CNTRL: variants seen among roughly 807,000 people sequenced by gnomAD.
CNTRL encodes the protein 110 kDa centrosomal protein.
CNTRL carries 233 observed loss-of-function variants against 303.7 expected under a neutral mutation model. The observed-to-expected ratio is 0.77, with a 90% CI of 0.69 to 0.86. CNTRL has a LOEUF of 0.86. Among genes scored for constraint, CNTRL ranks in the 40% least tolerant of loss-of-function variants. The pLI is 0.00. For missense variants in CNTRL, 2,524 were observed against 2,650.6 expected (o/e 0.95, Z 1.05); for synonymous variants, 900 against 922.2 (o/e 0.98, Z 0.44).
At chr9:121,155,509 G>A (rs1173041381) in intron 27 of CNTRL, among the ~76,000 whole-genome samples, 5 of 152,168 alleles carry the variant, frequency 3.3e-5, no homozygotes, top group Non-Finnish European at 1.5e-5. Flanking sequence ...AGCCTCCTGA[G>A]TAGAGACGGG....
At chr9:121,174,735 A>G (rs917410449) in intron 42 of CNTRL, among the ~76,000 whole-genome samples, 1 of 152,224 alleles carries the variant, frequency 6.6e-6, no homozygotes. Flanking sequence ...AGATGAGGCA[A>G]TAATTTAATG....
chr9:121,161,441 AT>A, intron 32 of CNTRL: 1 of 361,480 alleles, frequency 2.8e-6, no homozygotes. Context: ...CTTTTAGTTG[AT>A]TCTTTTATGT....
intron 1 of CNTRL, among the ~76,000 whole-genome samples, chr9:121,078,806 C>G (rs2048029489): frequency 6.6e-6 from 1 of 152,194 alleles, no homozygotes; most frequent in Admixed American, 6.5e-5. Flanking sequence ...AAAGATATTA[C>G]AAAGGATATA....
At chr9:121,138,507 G>A (rs1564257895) in intron 15 of CNTRL, 38 bp from the exon 16 acceptor site, 9 of 1,596,176 alleles carry the variant, frequency 5.6e-6, no homozygotes, top group Non-Finnish European at 6.0e-6. Context: ...AATTATTGCT[G>A]TTTTACACTT....
intron 12 of CNTRL, chr9:121,122,364 C>T (rs909751434): frequency 1.0e-6 from 1 of 983,882 alleles, no homozygotes; most frequent in African/African-American, 1.7e-5. Context: ...TAAAAACCTT[C>T]CAGTTAAGCT....
intron 7 of CNTRL, 109 bp downstream of exon 7, chr9:121,098,681 G>A: frequency 1.3e-6 from 1 of 740,754 alleles, no homozygotes; most frequent in Non-Finnish European, 2.2e-6. Flanking sequence ...AAATGTACAT[G>A]GGAAATGGCA....
intron 12 of CNTRL, chr9:121,121,729 C>G: frequency 1.0e-6 from 1 of 968,536 alleles, no homozygotes; most frequent in Non-Finnish European, 1.2e-6. Context: ...GGGGCCTGCC[C>G]GCAGAGGCTG....
chr9:121,119,598 C>T lies in CNTRL; in HGVS notation c.1650+1058C>T, dbSNP rs551934908. The stretch of plus-strand genomic sequence containing the variant: ...CGTGAGCCACCATGCCCTGCCGAAG[C>T]GATTCTCCTGCCTCAGCCTCCTGAG... On this transcript the variant is annotated intron_variant, in intron 12 of 43. Coordinates refer to ENST00000373855, the MANE Select transcript of CNTRL (RefSeq NM_007018.6). Among the ~76,000 whole-genome samples the T allele has an allele frequency of 1.3e-4, 20 of 149,472 alleles. No individual in the cohort carries two copies. The South Asian group carries it at 1.5e-3, about 11-fold the overall frequency.
rs748728567 is a variant in CNTRL at position 121,124,027 on chromosome 9, T to C, written c.1747T>C (p.Ser583Pro). The change falls in exon 13 of 44, where the codon TCT (serine) becomes CCT (proline). Residue 583 changes from serine (S) to proline (P), a missense_variant. Ser to Pro is a moderately conservative substitution (Grantham distance 74). Transcript: ENST00000373855. ...QLESRLDEIL[S>P]RIAKETEEIK... ...TGAAAGTCGTTTGGATGAGATACTTTCTAGAATTGCTAAGGAAACGGAAGA... is the reference window on the plus strand; with the variant it reads ...TGAAAGTCGTTTGGATGAGATACTTCCTAGAATTGCTAAGGAAACGGAAGA... 3 of 1,613,142 alleles carry C rather than the reference T, an allele frequency of 1.9e-6. No individual in the cohort carries two copies. Among genetic ancestry groups the C allele is most frequent in the South Asian group, 1.1e-5 (1 of 90,840 alleles).
intron 8 of CNTRL, among the ~76,000 whole-genome samples, chr9:121,110,152 G>A (rs1271027744): frequency 2.0e-5 from 3 of 152,100 alleles, no homozygotes; most frequent in East Asian, 1.9e-4. Flanking sequence ...CATTTAAACC[G>A]TAGTAGTCCT....
Position 121,157,001 on chromosome 9 carries a change from A to G in CNTRL, c.4366-469A>G, listed in dbSNP as rs528167370. ...TTAAAATGATATAATAGTATTACAG[A>G]TTATTTTGAAATAAAAAGCATCTTT... On this transcript the variant is annotated intron_variant, in intron 27 of 43. Transcript: ENST00000373855. Among the ~76,000 whole-genome samples, 4 of 152,334 alleles carry G rather than the reference A, an allele frequency of 2.6e-5. No homozygotes were observed. The East Asian group carries it at 7.7e-4, about 29-fold the overall frequency.
At position 121,171,468 on chromosome 9, in the gene CNTRL, C is replaced by T; in HGVS notation, c.6337C>T (p.Gln2113Ter). The stretch of plus-strand genomic sequence containing the variant: ...AATGGCAACAATTGAACTGGTAGCC[C>T]AGGACAACCATGAGCGGGCCAGGCG... Reference protein sequence around the residue: ...KEMATIELVAQDNHERARRLM... With the variant: ...KEMATIELVA Residue 2113 changes from glutamine (Q) to a stop codon, truncating the protein, a stop_gained, in exon 40 of 44, where the codon CAG (glutamine) becomes TAG (stop). Coordinates refer to ENST00000373855, the MANE Select transcript of CNTRL (RefSeq NM_007018.6). LOFTEE classifies it high-confidence loss of function. The T allele has an allele frequency of 6.2e-7, 1 of 1,614,020 alleles. No homozygotes were observed. The highest frequency in any genetic ancestry group is 8.5e-7 in the Non-Finnish European group (1 of 1,179,952).
At chr9:121,111,558 T>C (rs2049748819) in intron 8 of CNTRL, among the ~76,000 whole-genome samples, 1 of 152,176 alleles carries the variant, frequency 6.6e-6, no homozygotes, top group Non-Finnish European at 1.5e-5. Flanking sequence ...AATGAAATTT[T>C]TCTGCATGTT....
chr9:121,141,269 C>A, intron 17 of CNTRL, 112 bp from the exon 18 acceptor site: 3 of 794,140 alleles, frequency 3.8e-6, no homozygotes, highest in Non-Finnish European at 6.1e-6. Context: ...TATAGATTGA[C>A]ACCAGTCCCT....
Position 121,177,348 on chromosome 9 carries a change from T to C in CNTRL, c.*162T>C. The C allele has an allele frequency of 8.0e-6, 5 of 623,108 alleles. No individual in the cohort carries two copies. The highest frequency in any genetic ancestry group is 1.1e-5 in the Non-Finnish European group (4 of 356,006). 38.6% of individuals were successfully genotyped at this position (623,108 alleles called of 1,614,324 possible). ...GCCTGTACCATTAATGCCAATGTTT[T>C]TATAAATCACTTGTACATAGTACAT... On this transcript the variant is annotated 3_prime_UTR_variant, in exon 44 of 44. Coordinates refer to ENST00000373855, the MANE Select transcript of CNTRL (RefSeq NM_007018.6).
rs755095776 is a variant in CNTRL at position 121,158,119 on chromosome 9, T to C, written c.4764+10T>C. ...AAAGCTGAAAAGCCAGGTATGGCAA[T>C]AGACACCTTGAAAAAACAACTGACA... On this transcript the variant is annotated intron_variant, in intron 30 of 43. Transcript: ENST00000373855. The C allele has an allele frequency of 3.3e-5, 53 of 1,612,440 alleles. No individual in the cohort carries two copies. The East Asian group carries it at 1.0e-3, about 31-fold the overall frequency.
Position 121,177,310 on chromosome 9 carries a change from T to G in CNTRL, c.*124T>G. 3.7e-6 allele frequency: 3 copies of G among 805,098 alleles called. No homozygotes were observed. Among genetic ancestry groups the G allele is most frequent in the Non-Finnish European group, 6.2e-6 (3 of 482,426 alleles). The allele number at this position is 805,098 out of a possible 1,614,324, so 49.9% of individuals were successfully genotyped here. A position where few individuals can be genotyped will look rare whatever the true frequency, so the allele number is the denominator to read the frequency against. ...GTGAACTGAGATTCTGAAACTCCAC[T>G]GTAGTTTACTTTGCCTGTACCATTA... On this transcript the variant is annotated 3_prime_UTR_variant, in exon 44 of 44. Transcript: ENST00000373855.
intron 3 of CNTRL, 54 bp from the exon 4 acceptor site, chr9:121,090,221 T>C: frequency 1.4e-6 from 2 of 1,465,210 alleles, no homozygotes; most frequent in Non-Finnish European, 1.8e-6. Context: ...AACTTGTTCT[T>C]TGTGATATTC....
intron 7 of CNTRL, among the ~76,000 whole-genome samples, chr9:121,102,149 C>A (rs2049207818): frequency 6.6e-6 from 1 of 152,170 alleles, no homozygotes; most frequent in African/African-American, 2.4e-5. Context: ...TGAAAATTCT[C>A]AATAAAATAC....
Sources: allele counts gnomAD v4.1 joint callset (sites outside exome capture counted in the v4.1 genomes callset), GRCh38; gene constraint gnomAD v4.1.1; transcripts MANE v1.5; gene names NCBI Gene and HGNC (gene_info 2026-07-23, HGNC 2026-07-21).